The following BANP variants were observed in gnomAD, a reference collection of about 807,000 sequenced individuals.
The protein encoded by BANP is protein BANP.
BANP carries 11 observed loss-of-function variants against 68.1 expected under a neutral mutation model. The ratio of observed to expected loss-of-function variants is 0.16; its 90% CI spans 0.10 to 0.27. The LOEUF is 0.27. BANP is among the 10% of genes least tolerant of loss of function. The probability of loss-of-function intolerance (pLI) is 1.00; values close to 1 mark genes in which losing one functional copy is unlikely to be tolerated. For synonymous variants in BANP, 329 were observed against 303.2 expected, an observed-to-expected ratio of 1.09 and a Z score of -0.88; for missense variants, 504 against 722.7, an observed-to-expected ratio of 0.70 and a Z score of 3.47.
chr16:87,990,490 A>G (rs1285835902), intron 4 of BANP, among the ~76,000 whole-genome samples: 1 of 152,212 alleles, frequency 6.6e-6, no homozygotes, highest in Non-Finnish European at 1.5e-5. Flanking sequence ...CGGGAGCACA[A>G]GAGGTCTTGG....
chr16:87,995,997 T>C (rs1430532891), intron 4 of BANP, among the ~76,000 whole-genome samples: 2 of 152,234 alleles, frequency 1.3e-5, no homozygotes, highest in Non-Finnish European at 2.9e-5. Context: ...ATTTGAAAGT[T>C]GTTTAAACTC....
At chr16:87,965,123 C>T (rs563358228) in intron 1 of BANP, among the ~76,000 whole-genome samples, 1 of 152,152 alleles carries the variant, frequency 6.6e-6, no homozygotes, top group Non-Finnish European at 1.5e-5. Flanking sequence ...CATGCATCCT[C>T]AAGTCAGGAA....
intron 11 of BANP, among the ~76,000 whole-genome samples, chr16:88,059,197 T>G (rs912709522): frequency 3.5e-4 from 45 of 128,746 alleles, no homozygotes; most frequent in African/African-American, 1.2e-3. Context: ...GGGCATGACC[T>G]TGAGGAGAGT....
intron 13 of BANP, among the ~76,000 whole-genome samples, chr16:88,072,918 G>T (rs1378436230): frequency 6.6e-6 from 1 of 152,264 alleles, no homozygotes; most frequent in Non-Finnish European, 1.5e-5. Context: ...CAGCCTGGTG[G>T]TTGGCTGCTG....
intron 3 of BANP, 57 bp downstream of exon 3, chr16:87,981,184 T>C (rs1302702888): frequency 7.8e-6 from 10 of 1,274,440 alleles, no homozygotes; most frequent in Admixed American, 1.7e-5. Context: ...CAAGGGCTGC[T>C]ATAACAAATC....
At chr16:87,977,026 A>G (rs953481493) in intron 2 of BANP, among the ~76,000 whole-genome samples, 5 of 152,200 alleles carry the variant, frequency 3.3e-5, no homozygotes, top group African/African-American at 1.2e-4. Flanking sequence ...CTGTGGTCCA[A>G]AGAAGGCTTA....
intron 8 of BANP, among the ~76,000 whole-genome samples, chr16:88,030,397 T>G (rs1409992015): frequency 1.3e-5 from 2 of 152,204 alleles, no homozygotes; most frequent in Non-Finnish European, 2.9e-5. Context: ...ACTCCTAGAC[T>G]CGAAGAGTGA....
intron 7 of BANP, among the ~76,000 whole-genome samples, chr16:88,019,198 C>T (rs2075298675): frequency 6.6e-6 from 1 of 152,178 alleles, no homozygotes; most frequent in Admixed American, 6.5e-5. Flanking sequence ...ACGTCTCCGT[C>T]CCCTCTGAAG....
intron 12 of BANP, among the ~76,000 whole-genome samples, chr16:88,066,897 A>G (rs1028974859): frequency 4.6e-5 from 7 of 152,206 alleles, no homozygotes; most frequent in African/African-American, 1.7e-4. Flanking sequence ...TGGCGCTGTC[A>G]GTGGCTGTGC....
At chr16:88,053,790 TACC>T (rs1254819438) in intron 11 of BANP, among the ~76,000 whole-genome samples, 2 of 115,886 alleles carry the variant, frequency 1.7e-5, no homozygotes, top group East Asian at 3.2e-4. Flanking sequence ...TAACAACCAC[TACC>T]ACCACCACCT....
intron 1 of BANP, among the ~76,000 whole-genome samples, chr16:87,974,325 A>G (rs1007584011): frequency 3.9e-5 from 6 of 152,160 alleles, no homozygotes; most frequent in Non-Finnish European, 7.4e-5. Context: ...CAGGAGCTGG[A>G]GGAAAGCCCC....
chr16:87,961,251 C>T (rs567340830), intron 1 of BANP, among the ~76,000 whole-genome samples: 1 of 152,326 alleles, frequency 6.6e-6, no homozygotes, highest in African/African-American at 2.4e-5. Context: ...GAGGAATCTC[C>T]ATAATTATCT....
At chr16:88,038,049 G>A (rs753035881) in intron 11 of BANP, 38 bp downstream of exon 11, 19 of 1,605,314 alleles carry the variant, frequency 1.2e-5, no homozygotes, top group Middle Eastern at 1.7e-4. Flanking sequence ...CGGGCGTTGC[G>A]CTGCCGAGGG....
intron 1 of BANP, among the ~76,000 whole-genome samples, chr16:87,955,221 G>A (rs570085291): frequency 6.6e-6 from 1 of 151,332 alleles, no homozygotes; most frequent in East Asian, 2.0e-4. Context: ...TGTGTAGTGC[G>A]GTGGGCTCTG....
chr16:88,014,334 C>T (rs976333678), intron 6 of BANP, among the ~76,000 whole-genome samples: 4 of 151,918 alleles, frequency 2.6e-5, no homozygotes, highest in Admixed American at 6.6e-5. Flanking sequence ...ATGAGCTTAG[C>T]GGCTGCCCCG....
intron 7 of BANP, 141 bp from the exon 8 acceptor site, chr16:88,027,342 C>G (rs2077197330): frequency 2.2e-6 from 2 of 903,312 alleles, no homozygotes; most frequent in Admixed American, 2.6e-5. Flanking sequence ...TTTCCAGACC[C>G]TTGCAGGAAG....
At chr16:88,073,972 A>C (rs2091036137) in intron 13 of BANP, among the ~76,000 whole-genome samples, 1 of 152,242 alleles carries the variant, frequency 6.6e-6, no homozygotes, top group Admixed American at 6.5e-5. Flanking sequence ...CTTTCCCTGC[A>C]GAAAACCCCA....
intron 11 of BANP, among the ~76,000 whole-genome samples, chr16:88,043,796 A>G (rs982174978): frequency 2.0e-5 from 3 of 152,090 alleles, no homozygotes; most frequent in Admixed American, 6.5e-5. Flanking sequence ...AAAATAATTT[A>G]TTGTCTAAGG....
chr16:88,027,040 G>A (rs560289910), intron 7 of BANP, among the ~76,000 whole-genome samples: 2 of 152,390 alleles, frequency 1.3e-5, no homozygotes, highest in East Asian at 3.9e-4. Flanking sequence ...GCAGGCCCGA[G>A]TAGGCAGAGG....
Sources: gnomAD v4.1 joint callset for allele counts (sites outside exome capture counted in the v4.1 genomes callset) on GRCh38, gnomAD v4.1.1 for gene constraint, MANE v1.5 for transcripts, NCBI Gene and HGNC (gene_info 2026-07-23, HGNC 2026-07-21) for gene names.